The following CAPN8 variants were observed in gnomAD, a reference collection of about 807,000 sequenced individuals.
CAPN8 encodes calpain-8.
A neutral mutation model predicts 80.9 loss-of-function variants in CAPN8; 87 were observed. The ratio of observed to expected loss-of-function variants is 1.07; its 90% CI spans 0.90 to 1.28. The LOEUF is 1.28. Ranked by LOEUF, CAPN8 falls within the 50% of genes most tolerant of loss-of-function variation. CAPN8 has a pLI of 0.00. For missense variants in CAPN8, 757 were observed against 702.0 expected, an observed-to-expected ratio of 1.08 and a Z score of -0.89; for synonymous variants, 299 against 273.8, an observed-to-expected ratio of 1.09 and a Z score of -0.91.
intron 11 of CAPN8, among the ~76,000 whole-genome samples, 186 bp downstream of exon 11, chr1:223,612,060 G>C (rs1314693674): frequency 6.6e-6 from 1 of 152,192 alleles, no homozygotes; most frequent in African/African-American, 2.4e-5. Context: ...GATGGGACTT[G>C]CAATGGTCCT....
intron 1 of CAPN8, among the ~76,000 whole-genome samples, chr1:223,660,571 C>T (rs949055021): frequency 3.9e-5 from 6 of 152,230 alleles, no homozygotes; most frequent in African/African-American, 1.2e-4. Context: ...CAAATCTTTG[C>T]TCAATTGCTT....
chr1:223,612,776 G>A lies in CAPN8; in HGVS notation c.1312-519C>T, dbSNP rs1558339969. Among the ~76,000 whole-genome samples, 5 of 152,202 alleles carry A rather than the reference G, an allele frequency of 3.3e-5. No homozygotes were observed. The South Asian group carries it at 1.0e-3, about 32-fold the overall frequency. Reference sequence around the variant, plus strand: ...ATTTCTGAATTGGAACTAACAGAAGGGACTCCTTTCTTAATGCTAGTGATA... The same window carrying A: ...ATTTCTGAATTGGAACTAACAGAAGAGACTCCTTTCTTAATGCTAGTGATA... On this transcript the variant is annotated intron_variant, in intron 10 of 20. Coordinates refer to ENST00000366872, the MANE Select transcript of CAPN8 (RefSeq NM_001143962.2).
intron 2 of CAPN8, among the ~76,000 whole-genome samples, chr1:223,637,672 A>G (rs1346843709): frequency 1.3e-5 from 2 of 152,180 alleles, no homozygotes; most frequent in Admixed American, 6.5e-5. Context: ...GTATGCCATC[A>G]TCACTCACCA....
intron 15 of CAPN8, 144 bp from the exon 16 acceptor site, chr1:223,549,526 G>C: frequency 7.7e-7 from 1 of 1,292,976 alleles, no homozygotes; most frequent in Non-Finnish European, 1.1e-6. Context: ...GAGCATCATG[G>C]CAGGCTTGTG....
Position 223,541,746 on chromosome 1 carries a change from T to C in CAPN8, c.*90A>G. The C allele has an allele frequency of 6.5e-7, 1 of 1,543,884 alleles. No homozygotes were observed. On this transcript the variant is annotated 3_prime_UTR_variant, in exon 21 of 21. Coordinates refer to ENST00000366872, the MANE Select transcript of CAPN8 (RefSeq NM_001143962.2). ...GGTATGAACAACCAGTGAATGCCAC[T>C]GGAGCATAAATGTTCACAAAATTGT...
intron 1 of CAPN8, among the ~76,000 whole-genome samples, chr1:223,664,224 T>C (rs1658728168): frequency 6.6e-6 from 1 of 152,184 alleles, no homozygotes; most frequent in African/African-American, 2.4e-5. Flanking sequence ...GCCTTCCGTC[T>C]GCATCCACAG....
intron 2 of CAPN8, among the ~76,000 whole-genome samples, chr1:223,643,338 A>G (rs1658094652): frequency 6.6e-6 from 1 of 152,228 alleles, no homozygotes; most frequent in African/African-American, 2.4e-5. Context: ...CCAAATATAC[A>G]TAGATCTTTA....
intron 2 of CAPN8, among the ~76,000 whole-genome samples, chr1:223,631,546 G>A (rs147919570): frequency 2.0e-5 from 3 of 152,188 alleles, no homozygotes; most frequent in South Asian, 2.1e-4. Context: ...CACTCATCTC[G>A]GCATCCCCAG....
At chr1:223,626,269 C>A (rs1025446586) in intron 5 of CAPN8, among the ~76,000 whole-genome samples, 1 of 152,184 alleles carries the variant, frequency 6.6e-6, no homozygotes, top group Non-Finnish European at 1.5e-5. Flanking sequence ...CTCCTCATTA[C>A]CCTTCCCATT....
intron 4 of CAPN8, among the ~76,000 whole-genome samples, chr1:223,627,381 C>A (rs902992378): frequency 6.6e-6 from 1 of 152,200 alleles, no homozygotes; most frequent in Non-Finnish European, 1.5e-5. Context: ...CAGCCACCCC[C>A]TCCTTTACAA....
intron 6 of CAPN8, among the ~76,000 whole-genome samples, chr1:223,624,018 AAGAAAAGCATATTTATGAAAC>A (rs1456775760): frequency 6.6e-6 from 1 of 152,120 alleles, no homozygotes; most frequent in African/African-American, 2.4e-5. Flanking sequence ...AAAAAGAAAA[AAGAAAAGCATATTTATGAAAC>A]ACAAACACAT....
At chr1:223,546,437 T>C (rs769256771) in intron 16 of CAPN8, among the ~76,000 whole-genome samples, 30 of 152,300 alleles carry the variant, frequency 2.0e-4, no homozygotes, top group Non-Finnish European at 3.4e-4. Context: ...ATCACTTTAA[T>C]TAGCCAAACA....
intron 5 of CAPN8, 75 bp downstream of exon 5, chr1:223,626,914 T>C (rs966918629): frequency 2.0e-5 from 30 of 1,471,668 alleles, no homozygotes; most frequent in African/African-American, 2.8e-5. Flanking sequence ...TCTCTCCCGC[T>C]GTCTCATCCC....
chr1:223,638,360 G>GGTGT (rs34370642), intron 2 of CAPN8, among the ~76,000 whole-genome samples: 60 of 150,756 alleles, frequency 4.0e-4, no homozygotes, highest in Middle Eastern at 3.4e-3. Flanking sequence ...GACTGTATGG[G>GGTGT]GTGTGTGTGT....
At chr1:223,546,119 G>T (rs951009814) in intron 16 of CAPN8, among the ~76,000 whole-genome samples, 13 of 149,212 alleles carry the variant, frequency 8.7e-5, no homozygotes, top group Non-Finnish European at 1.8e-4. Flanking sequence ...TTTTTTTAAC[G>T]CTGTGCTAGT....
intron 1 of CAPN8, 125 bp from the exon 2 acceptor site, chr1:223,654,524 C>A: frequency 1.2e-6 from 1 of 812,806 alleles, no homozygotes; most frequent in Non-Finnish European, 2.0e-6. Context: ...TACTGCCCAT[C>A]ACATGGTTTT....
chr1:223,542,366 T>G (rs1249566031), intron 20 of CAPN8, among the ~76,000 whole-genome samples: 2 of 152,204 alleles, frequency 1.3e-5, no homozygotes, highest in African/African-American at 2.4e-5. Context: ...TCCACACTAT[T>G]GTCCAGGTAT....
At chr1:223,632,102 T>C (rs1017813519) in intron 2 of CAPN8, among the ~76,000 whole-genome samples, 3 of 152,204 alleles carry the variant, frequency 2.0e-5, no homozygotes, top group African/African-American at 7.2e-5. Context: ...ACCTCACTCC[T>C]GACATTTCAC....
At chr1:223,618,130 C>A in intron 9 of CAPN8, 1 of 1,217,932 alleles carries the variant, frequency 8.2e-7, no homozygotes, top group Non-Finnish European at 1.2e-6. Flanking sequence ...ATCAACAGAT[C>A]AACAGCAAAC....
Sources: gnomAD v4.1 joint callset for allele counts (sites outside exome capture counted in the v4.1 genomes callset) on GRCh38, gnomAD v4.1.1 for gene constraint, MANE v1.5 for transcripts, NCBI Gene and HGNC (gene_info 2026-07-23, HGNC 2026-07-21) for gene names.